SCARA5: variants seen among roughly 807,000 people sequenced by gnomAD.
SCARA5 encodes scavenger receptor class A, member 5 (putative).
SCARA5 carries 45 observed loss-of-function variants against 46.3 expected under a neutral mutation model. That is an observed-to-expected ratio of 0.97 (90% CI 0.76 to 1.24). SCARA5 has a LOEUF of 1.24. Ranked by LOEUF, SCARA5 falls within the 50% of genes most tolerant of loss-of-function variation. The pLI is 0.00. For synonymous variants in SCARA5, 333 were observed against 306.5 expected (o/e 1.09, Z -0.90); for missense variants, 680 against 689.0 (o/e 0.99, Z 0.15).
At position 27,987,635 on chromosome 8, in the gene SCARA5, A is replaced by G; in HGVS notation, c.-15-5T>C. 6.6e-7 allele frequency: 1 copy of G among 1,523,126 alleles called. No homozygotes were observed. The allele number at this position is 1,523,126 out of a possible 1,614,324, so 94.4% of individuals were successfully genotyped here. A position where few individuals can be genotyped will look rare whatever the true frequency, so the allele number is the denominator to read the frequency against. ...CTCCATCACACCCTGCAACAGCTGC[A>G]GAGAAGGCAAGAGGGGAGGAGAGGG... On this transcript the variant is annotated splice_polypyrimidine_tract_variant and splice_region_variant and intron_variant, in intron 1 of 8. Transcript: ENST00000354914.
chr8:27,901,082 G>T (rs1292223973), intron 7 of SCARA5, among the ~76,000 whole-genome samples: 1 of 151,998 alleles, frequency 6.6e-6, no homozygotes, highest in Non-Finnish European at 1.5e-5. Context: ...TCAAAACATG[G>T]GTAAACAATG....
At chr8:27,917,636 C>T (rs1285662205) in intron 4 of SCARA5, among the ~76,000 whole-genome samples, 1 of 152,196 alleles carries the variant, frequency 6.6e-6, no homozygotes, top group African/African-American at 2.4e-5. Flanking sequence ...GAAGGCTATT[C>T]AGTCTTCTCA....
At chr8:27,933,420 G>A (rs1807808203) in intron 3 of SCARA5, among the ~76,000 whole-genome samples, 1 of 151,828 alleles carries the variant, frequency 6.6e-6, no homozygotes, top group African/African-American at 2.4e-5. Context: ...TACTCAGGAG[G>A]CTGAGGCAGG....
chr8:27,884,226 A>T (rs924304042), intron 7 of SCARA5, among the ~76,000 whole-genome samples: 3 of 152,190 alleles, frequency 2.0e-5, no homozygotes, highest in African/African-American at 7.2e-5. Context: ...ACAGACTGCA[A>T]ATACAAACTC....
At position 27,933,273 on chromosome 8, in the gene SCARA5, G is replaced by A. The variant is rs568760768; in HGVS notation, c.242-11028C>T. Among the ~76,000 whole-genome samples the A allele has an allele frequency of 2.0e-5, 3 of 152,178 alleles. No homozygotes were observed. In the East Asian group the frequency reaches 5.8e-4, roughly 29 times the overall value. The stretch of plus-strand genomic sequence containing the variant: ...ACAGTGGCTCACGCCTGTAATCCTA[G>A]CACTTTAGGAGGCTGAGGCGGGTGA... On this transcript the variant is annotated intron_variant, in intron 3 of 8. Transcript: ENST00000354914.
chr8:27,921,787 G>C lies in SCARA5; in HGVS notation c.700C>G (p.Leu234Val). The C allele has an allele frequency of 6.4e-7, 1 of 1,570,696 alleles. No homozygotes were observed. Among genetic ancestry groups the C allele is most frequent in the South Asian group, 1.2e-5 (1 of 86,226 alleles). Reference sequence around the variant, plus strand: ...CGGTGGAGGGCCACGTCGTAGGACAGGCTGTGGTTGAGGCCGCGCAGCACG... The same window carrying C: ...CGGTGGAGGGCCACGTCGTAGGACACGCTGTGGTTGAGGCCGCGCAGCACG... The part of the protein sequence containing the change: ...GGVLRGLNHS[L>V]SYDVALHRTR... The change falls in exon 4 of 9, where the codon CTG (leucine) becomes GTG (valine). Residue 234 changes from leucine to valine, a missense_variant. This residue lies in a region of SCARA5 where 438 missense variants were observed against 384.5 expected (regional missense o/e 1.14). Coordinates refer to ENST00000354914, the MANE Select transcript of SCARA5 (RefSeq NM_173833.6).
chr8:27,919,637 TGA>T (rs1473704498), intron 4 of SCARA5, among the ~76,000 whole-genome samples: 1 of 151,698 alleles, frequency 6.6e-6, no homozygotes, highest in Non-Finnish European at 1.5e-5. Flanking sequence ...CCCCCTAGCA[TGA>T]GAGGCAGTGG....
chr8:27,951,960 A>G (rs1243304125), intron 3 of SCARA5, among the ~76,000 whole-genome samples: 1 of 152,166 alleles, frequency 6.6e-6, no homozygotes, highest in Non-Finnish European at 1.5e-5. Flanking sequence ...TTTGCAGGAT[A>G]GTGTCCCCTG....
At chr8:27,967,712 A>G (rs1808390874) in intron 2 of SCARA5, among the ~76,000 whole-genome samples, 1 of 152,146 alleles carries the variant, frequency 6.6e-6, no homozygotes. Context: ...CAGGAATTCG[A>G]CACCAGCCTG....
chr8:27,907,663 A>G (rs1454782873), intron 5 of SCARA5, among the ~76,000 whole-genome samples: 1 of 143,322 alleles, frequency 7.0e-6, no homozygotes, highest in Non-Finnish European at 1.5e-5. Context: ...TCCGCCTCCT[A>G]GGTTCAGGCA....
chr8:27,953,487 T>G (rs1233600412), intron 3 of SCARA5, among the ~76,000 whole-genome samples: 1 of 152,244 alleles, frequency 6.6e-6, no homozygotes, highest in East Asian at 1.9e-4. Flanking sequence ...AAGTGGATCT[T>G]ATACCTTAGA....
chr8:27,889,806 C>T (rs1425906291), intron 7 of SCARA5, among the ~76,000 whole-genome samples: 2 of 152,188 alleles, frequency 1.3e-5, no homozygotes, highest in African/African-American at 4.8e-5. Flanking sequence ...TGAAAATGAA[C>T]ATGTCAACGA....
At chr8:27,950,163 G>A (rs1023513321) in intron 3 of SCARA5, among the ~76,000 whole-genome samples, 1 of 152,032 alleles carries the variant, frequency 6.6e-6, no homozygotes. Context: ...GAGGGGAAGG[G>A]GTCTAGCACA....
chr8:27,930,955 C>T (rs1431761288), intron 3 of SCARA5, among the ~76,000 whole-genome samples: 2 of 152,114 alleles, frequency 1.3e-5, no homozygotes, highest in African/African-American at 4.8e-5. Context: ...GGACGGAACG[C>T]CACTGCACAG....
intron 3 of SCARA5, among the ~76,000 whole-genome samples, chr8:27,964,781 C>A (rs967708585): frequency 6.6e-6 from 1 of 152,092 alleles, no homozygotes; most frequent in Admixed American, 6.5e-5. Flanking sequence ...GAGGCCTGCC[C>A]CAAACCCCCC....
chr8:27,888,171 G>A (rs1240806318), intron 7 of SCARA5, among the ~76,000 whole-genome samples: 2 of 151,974 alleles, frequency 1.3e-5, no homozygotes, highest in Admixed American at 6.6e-5. Flanking sequence ...ATTCTCTCCC[G>A]CCTCAGCCTC....
rs531350290 is a variant in SCARA5, at chr8:27,899,411, G to A, written c.1153+5367C>T. Among the ~76,000 whole-genome samples, 11 of 152,322 alleles carry A rather than the reference G, an allele frequency of 7.2e-5. No individual in the cohort carries two copies. The South Asian group carries it at 1.2e-3, about 17-fold the overall frequency. On this transcript the variant is annotated intron_variant, in intron 7 of 8. Coordinates refer to ENST00000354914, the MANE Select transcript of SCARA5 (RefSeq NM_173833.6). The stretch of plus-strand genomic sequence containing the variant: ...TACAGAACTGCATAGAGTTGGGGTC[G>A]CATCTTCTCAGGAAATGTTTCTGAA...
At chr8:27,988,787 C>T (rs1808742141) in intron 1 of SCARA5, among the ~76,000 whole-genome samples, 1 of 152,206 alleles carries the variant, frequency 6.6e-6, no homozygotes, top group Non-Finnish European at 1.5e-5. Context: ...TTCTGATTCT[C>T]TTTAACTATC....
chr8:27,956,323 G>A (rs941089135), intron 3 of SCARA5, among the ~76,000 whole-genome samples: 6 of 152,252 alleles, frequency 3.9e-5, no homozygotes, highest in African/African-American at 1.4e-4. Context: ...TATAAAAGGA[G>A]AGAAAAGGGA....
Sources: allele counts gnomAD v4.1 joint callset (sites outside exome capture counted in the v4.1 genomes callset), GRCh38; gene constraint gnomAD v4.1.1; regional missense constraint gnomAD v4.1.1; transcripts MANE v1.5; gene names NCBI Gene and HGNC (gene_info 2026-07-23, HGNC 2026-07-21).